The following RAD54L2 variants were observed in gnomAD, a reference collection of about 807,000 sequenced individuals.
RAD54L2 encodes the protein RAD54 like 2.
Under a neutral mutation model 138.4 loss-of-function variants are expected in RAD54L2, and 27 were observed. That is an observed-to-expected ratio of 0.20 (90% CI 0.14 to 0.27). The LOEUF is 0.27. Ranked by LOEUF, RAD54L2 falls within the 10% of genes least tolerant of loss-of-function variation. The pLI is 1.00. For synonymous variants in RAD54L2, 644 were observed against 723.2 expected (o/e 0.89, Z 1.76); for missense variants, 1,396 against 1,890.2 (o/e 0.74, Z 4.85).
intron 2 of RAD54L2, among the ~76,000 whole-genome samples, chr3:51,589,519 A>G (rs1699788636): frequency 6.6e-6 from 1 of 152,220 alleles, no homozygotes; most frequent in Non-Finnish European, 1.5e-5. Context: ...GCTTTGGCTC[A>G]TTGCTGTTAC....
chr3:51,550,337 C>T (rs1046398398), intron 2 of RAD54L2, among the ~76,000 whole-genome samples: 2 of 152,330 alleles, frequency 1.3e-5, no homozygotes, highest in East Asian at 3.9e-4. Flanking sequence ...GTCATCCAGT[C>T]TGTTGCTCTT....
chr3:51,553,265 ATGGAGTTTCACCATGC>A (rs1698884483), intron 2 of RAD54L2, among the ~76,000 whole-genome samples: 1 of 152,006 alleles, frequency 6.6e-6, no homozygotes, highest in African/African-American at 2.4e-5. Context: ...TTTAGTAGAG[ATGGAGTTTCACCATGC>A]TGGCCAGGAT....
At chr3:51,603,725 C>G (rs572886056) in intron 3 of RAD54L2, among the ~76,000 whole-genome samples, 1 of 152,194 alleles carries the variant, frequency 6.6e-6, no homozygotes, top group African/African-American at 2.4e-5. Context: ...GGGTCTTGCT[C>G]TGTTGCCCAG....
chr3:51,640,330 G>A (rs181887475), intron 14 of RAD54L2, among the ~76,000 whole-genome samples: 117 of 152,322 alleles, frequency 7.7e-4, no homozygotes, highest in African/African-American at 2.6e-3. Context: ...GGCCAAGAAA[G>A]CCTAAACTAT....
At chr3:51,592,077 T>A (rs902938797) in intron 3 of RAD54L2, among the ~76,000 whole-genome samples, 1 of 138,910 alleles carries the variant, frequency 7.2e-6, no homozygotes, top group African/African-American at 2.7e-5. Context: ...TTTTTTTTTT[T>A]TTTTTTGAGA....
rs1701815403 is a variant in RAD54L2, at chr3:51,662,792, C to T, written c.3776C>T (p.Ala1259Val). Residue 1259 changes from alanine (A) to valine (V), a missense_variant, in exon 23 of 23, where the codon GCC (alanine) becomes GTC (valine). By Grantham distance (64) the Ala-to-Val change is moderately conservative. This residue lies in a region of RAD54L2 where 634 missense variants were observed against 711.2 expected (regional missense o/e 0.89). Coordinates refer to ENST00000684192, the MANE Select transcript of RAD54L2 (RefSeq NM_015106.4). This position sits in a 1 kb window ranked among gnomAD's most constrained non-coding sequence, Gnocchi z 4.6. The stretch of plus-strand genomic sequence containing the variant: ...TTAAGGGGCCACAAGCGAAAGTTGG[C>T]CACACCACCTGCTGCCCAGGAGTCA... Reference protein sequence around the residue: ...LDLRGHKRKLATPPAAQESSR... With the variant: ...LDLRGHKRKLVTPPAAQESSR... The T allele has an allele frequency of 6.2e-7, 1 of 1,610,192 alleles. No individual in the cohort carries two copies. The highest frequency in any genetic ancestry group is 1.3e-5 in the African/African-American group (1 of 74,830).
At chr3:51,553,428 C>T (rs1400102896) in intron 2 of RAD54L2, among the ~76,000 whole-genome samples, 1 of 152,202 alleles carries the variant, frequency 6.6e-6, no homozygotes, top group Non-Finnish European at 1.5e-5. Flanking sequence ...TGTATACAGG[C>T]ATGCTTTGGA....
Position 51,635,805 on chromosome 3 carries a change from C to A in RAD54L2, c.1339+16C>A. ...TTTCGGAGAGGTGGGCAGCCTATCC[C>A]AGGAATACTCTTGTTGGTGTTTCAG... On this transcript the variant is annotated intron_variant, in intron 10 of 22. Transcript: ENST00000684192. 1 of 1,590,756 alleles carries A rather than the reference C, an allele frequency of 6.3e-7. No individual in the cohort carries two copies. Among genetic ancestry groups the A allele is most frequent in the South Asian group, 1.1e-5 (1 of 87,336 alleles).
chr3:51,619,060 G>GT (rs1227012423), intron 3 of RAD54L2, among the ~76,000 whole-genome samples: 1 of 151,734 alleles, frequency 6.6e-6, no homozygotes, highest in Non-Finnish European at 1.5e-5. Flanking sequence ...TTTTTTGTTT[G>GT]TTTGTTTGTT....
In RAD54L2 at chr3:51,553,253, T is replaced by C. The variant is rs1362890138; in HGVS notation, c.-55+11603T>C. On this transcript the variant is annotated intron_variant, in intron 2 of 22. Transcript: ENST00000684192. ...CTACCACACCCAGCTAATTTTTGTA[T>C]TTTTAGTAGAGATGGAGTTTCACCA... is the stretch of plus-strand genomic sequence containing the variant. 1.1e-4 allele frequency among the ~76,000 whole-genome samples: 16 copies of C among 152,200 alleles called. 1 individual carries two copies. The South Asian group carries it at 3.3e-3, about 32-fold the overall frequency.
At chr3:51,574,186 T>A (rs1699409054) in intron 2 of RAD54L2, among the ~76,000 whole-genome samples, 2 of 152,182 alleles carry the variant, frequency 1.3e-5, no homozygotes, top group South Asian at 4.1e-4. Flanking sequence ...CATCTTTTTT[T>A]ATGGCTGCAT....
At chr3:51,641,600 A>G (rs1056079690) in intron 14 of RAD54L2, 149 bp from the exon 15 acceptor site, 13 of 559,600 alleles carry the variant, frequency 2.3e-5, no homozygotes, top group Non-Finnish European at 3.8e-5. Flanking sequence ...TATAGGCTTG[A>G]GCCACCGTGC....
At chr3:51,600,110 T>C (rs1230746654) in intron 3 of RAD54L2, among the ~76,000 whole-genome samples, 4 of 151,860 alleles carry the variant, frequency 2.6e-5, no homozygotes, top group Admixed American at 6.6e-5. Context: ...TTTTTGTATT[T>C]TTAGTATATT....
rs1013570397 is a variant in RAD54L2, at chr3:51,543,346, C to T, written c.-55+1696C>T. ...AGTAATGGCCAGGCGCGGTGGCTCA[C>T]GCCTGTAATGCCAGCACTTTGGCAG... On this transcript the variant is annotated intron_variant, in intron 2 of 22. Transcript: ENST00000684192. Among the ~76,000 whole-genome samples the T allele has an allele frequency of 7.2e-5, 11 of 152,198 alleles. No individual in the cohort carries two copies. In the South Asian group the frequency reaches 1.4e-3, roughly 20 times the overall value.
intron 3 of RAD54L2, among the ~76,000 whole-genome samples, chr3:51,598,133 A>ATG (rs1553682152): frequency 1.3e-4 from 19 of 144,994 alleles, no homozygotes; most frequent in Admixed American, 5.0e-4. Flanking sequence ...ATATATATAT[A>ATG]TGTGTGTATA....
intron 7 of RAD54L2, among the ~76,000 whole-genome samples, chr3:51,631,397 G>A (rs1418110499): frequency 6.6e-6 from 1 of 150,916 alleles, no homozygotes; most frequent in Non-Finnish European, 1.5e-5. Context: ...GACAGACATT[G>A]ACTCAGTTTA....
At chr3:51,594,399 T>C (rs955185669) in intron 3 of RAD54L2, among the ~76,000 whole-genome samples, 2 of 152,150 alleles carry the variant, frequency 1.3e-5, no homozygotes, top group African/African-American at 2.4e-5. Flanking sequence ...GATAATCTTG[T>C]ATGTTAGGTA....
At chr3:51,613,656 A>G (rs1418268404) in intron 3 of RAD54L2, among the ~76,000 whole-genome samples, 1 of 151,668 alleles carries the variant, frequency 6.6e-6, no homozygotes, top group Non-Finnish European at 1.5e-5. Context: ...AATCCCAGCT[A>G]CGGGAGGCTG....
At chr3:51,623,217 A>G (rs1244071987) in intron 3 of RAD54L2, among the ~76,000 whole-genome samples, 1 of 152,214 alleles carries the variant, frequency 6.6e-6, no homozygotes, top group African/African-American at 2.4e-5. Context: ...TGTGTGTGTA[A>G]GAAACATTCA....
Sources: gnomAD v4.1 joint callset for allele counts (sites outside exome capture counted in the v4.1 genomes callset) on GRCh38, gnomAD v4.1.1 for gene constraint, gnomAD v4.1.1 regional missense constraint, Gnocchi (gnomAD v3.1) non-coding constraint, MANE v1.5 for transcripts, NCBI Gene and HGNC (gene_info 2026-07-23, HGNC 2026-07-21) for gene names.